THEMIS: variants seen among roughly 807,000 people sequenced by gnomAD.
The protein encoded by THEMIS is thymocyte selection associated, also known as protein THEMIS.
THEMIS carries 37 observed loss-of-function variants against 52.6 expected under a neutral mutation model. The ratio of observed to expected loss-of-function variants is 0.70; its 90% CI spans 0.54 to 0.93. The LOEUF (loss-of-function observed/expected upper bound fraction) is 0.93. Among genes scored for constraint, THEMIS ranks in the 40% least tolerant of loss-of-function variants. The probability of loss-of-function intolerance (pLI) is 0.00; values close to 1 mark genes in which losing one functional copy is unlikely to be tolerated. For synonymous variants in THEMIS, 292 were observed against 272.7 expected, an observed-to-expected ratio of 1.07 and a Z score of -0.70; for missense variants, 808 against 763.1, an observed-to-expected ratio of 1.06 and a Z score of -0.69.
chr6:127,764,952 CTG>C (rs1400508828), intron 4 of THEMIS, among the ~76,000 whole-genome samples: 1 of 152,128 alleles, frequency 6.6e-6, no homozygotes, highest in African/African-American at 2.4e-5. Context: ...ACCTCATTAA[CTG>C]TGAATTTGAA....
downstream of THEMIS, among the ~76,000 whole-genome samples, chr6:127,706,356 A>G (rs1773797771): frequency 6.6e-6 from 1 of 152,116 alleles, no homozygotes; most frequent in Non-Finnish European, 1.5e-5. Flanking sequence ...CCTATTTTAC[A>G]TATATGTAGG....
intron 4 of THEMIS, among the ~76,000 whole-genome samples, chr6:127,806,775 A>T (rs1362577826): frequency 2.6e-5 from 4 of 152,196 alleles, no homozygotes; most frequent in Admixed American, 1.3e-4. Context: ...TAAAATTCAG[A>T]TCACTCCTCT....
chr6:127,804,852 A>G (rs1469094162), intron 4 of THEMIS, among the ~76,000 whole-genome samples: 1 of 152,162 alleles, frequency 6.6e-6, no homozygotes, highest in African/African-American at 2.4e-5. Flanking sequence ...GATAACAACA[A>G]CAAACTTTTA....
chr6:127,859,975 A>G (rs139401498), intron 1 of THEMIS, among the ~76,000 whole-genome samples: 1 of 152,276 alleles, frequency 6.6e-6, no homozygotes, highest in East Asian at 1.9e-4. Flanking sequence ...CCTCTAAAGG[A>G]AATGTTTAAG....
chr6:127,759,209 T>C (rs575661354), intron 4 of THEMIS, among the ~76,000 whole-genome samples: 1 of 152,258 alleles, frequency 6.6e-6, no homozygotes, highest in Admixed American at 6.5e-5. Flanking sequence ...AAATTGCATA[T>C]ACTAAACTTT....
At chr6:127,878,647 A>G (rs1363592156) in intron 1 of THEMIS, among the ~76,000 whole-genome samples, 1 of 152,164 alleles carries the variant, frequency 6.6e-6, no homozygotes, top group Non-Finnish European at 1.5e-5. Context: ...ACCAAAAGTC[A>G]TTTTCTCCAG....
At position 127,822,630 on chromosome 6, in the gene THEMIS, G is replaced by A. The variant is rs528979599; in HGVS notation, c.709+6846C>T. Reference sequence around the variant, plus strand: ...AGACACTTTTAACATGTATCCCATTGATGTTTGTAATGGTTAGTTTTACAT... The same window carrying A: ...AGACACTTTTAACATGTATCCCATTAATGTTTGTAATGGTTAGTTTTACAT... On this transcript the variant is annotated intron_variant, in intron 3 of 5. Transcript: ENST00000368248. Among the ~76,000 whole-genome samples the A allele has an allele frequency of 7.9e-5, 12 of 152,166 alleles. No homozygotes were observed. In the East Asian group the frequency reaches 2.1e-3, roughly 27 times the overall value.
the THEMIS span, among the ~76,000 whole-genome samples, chr6:127,698,116 G>A: frequency 6.6e-6 from 1 of 152,046 alleles, no homozygotes; most frequent in African/African-American, 2.4e-5. Context: ...TTTAAAAATA[G>A]CCATTCAACT....
At chr6:127,885,817 T>C (rs775306795) in intron 1 of THEMIS, among the ~76,000 whole-genome samples, 21 of 152,154 alleles carry the variant, frequency 1.4e-4, no homozygotes, top group African/African-American at 2.4e-4. Flanking sequence ...GCTTTGACTT[T>C]TACAAATGTG....
intron 2 of THEMIS, among the ~76,000 whole-genome samples, chr6:127,830,151 A>G (rs185407872): frequency 6.6e-6 from 1 of 152,316 alleles, no homozygotes; most frequent in Admixed American, 6.5e-5. Context: ...GACAATACAA[A>G]TGGAGACAAG....
chr6:127,807,832 C>T (rs559587869), intron 4 of THEMIS, among the ~76,000 whole-genome samples: 3 of 152,178 alleles, frequency 2.0e-5, no homozygotes, highest in East Asian at 1.9e-4. Context: ...AGCCCAGTAA[C>T]GTGGATTTCT....
At chr6:127,844,004 G>A (rs371579840) in intron 2 of THEMIS, among the ~76,000 whole-genome samples, 7 of 152,084 alleles carry the variant, frequency 4.6e-5, no homozygotes, top group Admixed American at 2.0e-4. Context: ...AAGCACTCCC[G>A]ATTCCTCAAC....
chr6:127,719,127 C>G (rs970489871), intron 5 of THEMIS, among the ~76,000 whole-genome samples: 6 of 151,778 alleles, frequency 4.0e-5, no homozygotes, highest in Non-Finnish European at 8.8e-5. Context: ...TTCTTATTTC[C>G]CTTGCTAGCT....
chr6:127,822,033 C>T (rs4897232), intron 3 of THEMIS, among the ~76,000 whole-genome samples: 66,119 of 151,662 alleles, frequency 0.44, 14,741 homozygotes, highest in East Asian at 0.59. Context: ...TAATAATAAT[C>T]TCTATATTTG....
chr6:127,821,806 T>A (rs1409280829), intron 3 of THEMIS, among the ~76,000 whole-genome samples: 1 of 152,024 alleles, frequency 6.6e-6, no homozygotes, highest in East Asian at 1.9e-4. Context: ...GGATATTTAA[T>A]ATTCAATTCT....
chr6:127,718,043 C>CT (rs1287794929), intron 5 of THEMIS, among the ~76,000 whole-genome samples: 22 of 151,244 alleles, frequency 1.5e-4, no homozygotes, highest in Non-Finnish European at 2.5e-4. Context: ...TCCAGTGAGT[C>CT]TTTTTTTTGG....
chr6:127,914,755 T>A (rs1302846214), intron 1 of THEMIS, among the ~76,000 whole-genome samples: 1 of 152,256 alleles, frequency 6.6e-6, no homozygotes, highest in Non-Finnish European at 1.5e-5. Flanking sequence ...AAATGACATT[T>A]GCCGCCTTTG....
intron 5 of THEMIS, among the ~76,000 whole-genome samples, chr6:127,716,139 G>A (rs1417240271): frequency 1.3e-5 from 2 of 151,840 alleles, no homozygotes; most frequent in African/African-American, 4.8e-5. Flanking sequence ...AGAAAATATG[G>A]ATCAGGAGAG....
the THEMIS span, among the ~76,000 whole-genome samples, chr6:127,697,693 A>G: frequency 6.6e-6 from 1 of 152,100 alleles, no homozygotes; most frequent in Admixed American, 6.6e-5. Context: ...ATGCCTTGGT[A>G]TTCTCTCTCC....
Sources: allele counts gnomAD v4.1 joint callset (sites outside exome capture counted in the v4.1 genomes callset), GRCh38; gene constraint gnomAD v4.1.1; transcripts MANE v1.5; gene names NCBI Gene and HGNC (gene_info 2026-07-23, HGNC 2026-07-21).